Variants in MYO16 observed in about 807,000 individuals in gnomAD.
The protein encoded by MYO16 is unconventional myosin-XVI.
Under a neutral mutation model 205.3 loss-of-function variants are expected in MYO16, and 94 were observed. That is an observed-to-expected ratio of 0.46 (90% confidence interval 0.39 to 0.54). MYO16 has a LOEUF of 0.54. MYO16 is among the 20% of genes least tolerant of loss of function. The pLI, the probability that MYO16 is intolerant of heterozygous loss-of-function variation, is 0.00. For missense variants in MYO16, 2,315 were observed against 2,387.5 expected (o/e 0.97, Z 0.63); for synonymous variants, 988 against 954.0 (o/e 1.04, Z -0.66).
At chr13:109,171,569 T>C (rs1226373429) in intron 33 of MYO16, among the ~76,000 whole-genome samples, 1 of 152,238 alleles carries the variant, frequency 6.6e-6, no homozygotes, top group Non-Finnish European at 1.5e-5. Flanking sequence ...ATCCTTTTAC[T>C]GATGCGAGCG....
chr13:109,111,615 G>A (rs1224578824), intron 28 of MYO16, among the ~76,000 whole-genome samples: 1 of 152,034 alleles, frequency 6.6e-6, no homozygotes, highest in East Asian at 1.9e-4. Context: ...TTGCAGAAAA[G>A]AAGCTAGCAT....
At chr13:109,188,002 T>C (rs116107241) in intron 34 of MYO16, among the ~76,000 whole-genome samples, 2,318 of 152,348 alleles carry the variant, frequency 0.015, 60 homozygotes, top group African/African-American at 0.053. Context: ...CATCAGTTTT[T>C]GCCTCATGCA....
At chr13:109,179,240 C>T (rs913784551) in intron 33 of MYO16, among the ~76,000 whole-genome samples, 3 of 152,176 alleles carry the variant, frequency 2.0e-5, no homozygotes, top group Non-Finnish European at 2.9e-5. Flanking sequence ...CCTTTTCAGT[C>T]TCTAGAAGTT....
At chr13:109,191,174 G>A (rs1465642099) in intron 34 of MYO16, among the ~76,000 whole-genome samples, 6 of 151,876 alleles carry the variant, frequency 4.0e-5, no homozygotes, top group East Asian at 1.9e-4. Context: ...AGCCAAGATC[G>A]CGCCACTGCA....
rs74399909 is a variant in MYO16, at chr13:108,939,862, A to G, written c.1926-17826A>G. Among the ~76,000 whole-genome samples, 579 of 152,278 alleles carry G rather than the reference A, an allele frequency of 3.8e-3. 5 individuals carry two copies. Among genetic ancestry groups the G allele is most frequent in the African/African-American group, 0.012 (509 of 41,550 alleles). On this transcript the variant is annotated intron_variant, in intron 16 of 34. Transcript: ENST00000457511. The stretch of plus-strand genomic sequence containing the variant: ...GTGATGCGTCATATATATAATATGT[A>G]TATGTATATATACACACACACTTCA...
At chr13:109,073,096 A>G (rs1887976233) in intron 27 of MYO16, among the ~76,000 whole-genome samples, 1 of 141,696 alleles carries the variant, frequency 7.1e-6, no homozygotes, top group Non-Finnish European at 1.5e-5. Flanking sequence ...ATAGAGTGAA[A>G]TTATGGAATA....
chr13:108,861,172 A>G (rs879614762), intron 11 of MYO16, among the ~76,000 whole-genome samples: 3 of 152,182 alleles, frequency 2.0e-5, no homozygotes, highest in Non-Finnish European at 2.9e-5. Flanking sequence ...CAGCTTCATA[A>G]TGTAATAGAA....
chr13:108,667,211 A>G (rs17478892), intron 2 of MYO16, among the ~76,000 whole-genome samples: 5,251 of 152,206 alleles, frequency 0.034, 131 homozygotes, highest in South Asian at 0.12. Context: ...CCTATAGCAC[A>G]TTATATACAA....
At chr13:108,848,380 T>C (rs1419442233) in intron 10 of MYO16, among the ~76,000 whole-genome samples, 1 of 152,212 alleles carries the variant, frequency 6.6e-6, no homozygotes, top group Admixed American at 6.5e-5. Context: ...ATTTCAAAGC[T>C]TAGAAATGCG....
chr13:109,159,304 C>T (rs1004319300), intron 32 of MYO16, among the ~76,000 whole-genome samples: 2 of 152,090 alleles, frequency 1.3e-5, no homozygotes, highest in African/African-American at 2.4e-5. Flanking sequence ...AAAGTGCTTC[C>T]GTAAGTTGTC....
the MYO16 span, among the ~76,000 whole-genome samples, chr13:108,538,302 G>T: frequency 6.6e-6 from 1 of 152,096 alleles, no homozygotes; most frequent in Admixed American, 6.6e-5. Context: ...GCAGATAGGA[G>T]AAGTAATCAG....
chr13:109,036,604 G>A (rs1316199651), intron 23 of MYO16, among the ~76,000 whole-genome samples: 3 of 152,144 alleles, frequency 2.0e-5, no homozygotes, highest in African/African-American at 7.2e-5. Flanking sequence ...CGCAGCATAA[G>A]CAAAATGCTA....
At chr13:109,010,464 C>A (rs1463630883) in intron 22 of MYO16, among the ~76,000 whole-genome samples, 6 of 152,170 alleles carry the variant, frequency 3.9e-5, no homozygotes, top group Non-Finnish European at 8.8e-5. Flanking sequence ...ACCACCTTAT[C>A]CATGGAGAAT....
At chr13:108,763,183 C>T (rs1367589118) in intron 4 of MYO16, among the ~76,000 whole-genome samples, 2 of 152,086 alleles carry the variant, frequency 1.3e-5, no homozygotes, top group African/African-American at 2.4e-5. Context: ...ACAGGAGTAA[C>T]AAGGGAACAA....
chr13:109,154,821 T>C (rs1877899664), intron 32 of MYO16, among the ~76,000 whole-genome samples: 2 of 140,558 alleles, frequency 1.4e-5, no homozygotes, highest in Admixed American at 7.7e-5. Context: ...GCAATATAAA[T>C]AACCTCATGA....
At chr13:108,525,653 G>A in the MYO16 span, among the ~76,000 whole-genome samples, 4 of 152,126 alleles carry the variant, frequency 2.6e-5, no homozygotes, top group Admixed American at 6.5e-5. Flanking sequence ...TCTACTTTTC[G>A]TTTAACCAAG....
At chr13:109,018,063 T>G (rs1027536031) in intron 22 of MYO16, among the ~76,000 whole-genome samples, 1 of 152,218 alleles carries the variant, frequency 6.6e-6, no homozygotes, top group African/African-American at 2.4e-5. Context: ...TTTTAGAATT[T>G]TCAGCTTTTC....
intron 4 of MYO16, among the ~76,000 whole-genome samples, chr13:108,762,357 C>G (rs1468054763): frequency 6.6e-6 from 1 of 152,258 alleles, no homozygotes; most frequent in South Asian, 2.1e-4. Flanking sequence ...TGGGAAGATA[C>G]CAAGTAGTGG....
intron 2 of MYO16, among the ~76,000 whole-genome samples, chr13:108,699,301 A>C (rs529042265): frequency 2.0e-5 from 3 of 152,122 alleles, no homozygotes; most frequent in Admixed American, 2.0e-4. Context: ...TAACTTCCAC[A>C]GATATTGGCA....
Sources: gnomAD v4.1 joint callset for allele counts (sites outside exome capture counted in the v4.1 genomes callset) on GRCh38, gnomAD v4.1.1 for gene constraint, MANE v1.5 for transcripts, NCBI Gene and HGNC (gene_info 2026-07-23, HGNC 2026-07-21) for gene names.